The following IL7R variants were observed in gnomAD, a reference collection of about 807,000 sequenced individuals.
The protein encoded by IL7R is interleukin 7 receptor, also known as interleukin-7 receptor subunit alpha.
A neutral mutation model predicts 47.0 loss-of-function variants in IL7R; 38 were observed. The observed-to-expected ratio is 0.81, with a 90% CI of 0.62 to 1.06. The LOEUF (loss-of-function observed/expected upper bound fraction) is 1.06. IL7R is among the 50% of genes least tolerant of loss of function. IL7R has a pLI of 0.00. For missense variants in IL7R, 633 were observed against 534.8 expected (o/e 1.18, Z -1.81); for synonymous variants, 221 against 199.8 (o/e 1.11, Z -0.89).
rs151326413 is a variant in IL7R, at chr5:35,876,437, A to G, written c.1331A>G (p.Asn444Ser). Residue 444 changes from asparagine to serine, a missense_variant, in exon 8 of 8, where the codon AAT becomes AGT. Transcript: ENST00000303115. Reference protein sequence around the residue: ...GQPILTSLGSNQEEAYVTMSS... With the variant: ...GQPILTSLGSSQEEAYVTMSS... The stretch of plus-strand genomic sequence containing the variant: ...CCCATTCTTACTTCCCTGGGATCAA[A>G]TCAAGAAGAAGCATATGTCACCATG... 4 of 1,608,822 alleles carry G rather than the reference A, an allele frequency of 2.5e-6. No homozygotes were observed. In the African/African-American group the frequency reaches 4.0e-5, roughly 16 times the overall value.
Position 35,876,168 on chromosome 5 carries a change from A to G in IL7R, c.1062A>G (p.Val354=), listed in dbSNP as rs775861133. 1.2e-6 allele frequency: 2 copies of G among 1,614,170 alleles called. No individual in the cohort carries two copies. Among genetic ancestry groups the G allele is most frequent in the Non-Finnish European group, 1.7e-6 (2 of 1,180,014 alleles). Residue 354 remains valine (V), a synonymous_variant, in exon 8 of 8, where the codon GTA becomes GTG. Coordinates refer to ENST00000303115, the MANE Select transcript of IL7R (RefSeq NM_002185.5). ...VQSPNCPSED[V]VITPESFGRD... is the part of the protein sequence containing the mutation. Reference sequence around the variant, plus strand: ...GCCCCAACTGCCCATCTGAGGATGTAGTCATCACTCCAGAAAGCTTTGGAA... The same window carrying G: ...GCCCCAACTGCCCATCTGAGGATGTGGTCATCACTCCAGAAAGCTTTGGAA...
Position 35,873,479 on chromosome 5 carries a change from G to C in IL7R, c.538-1G>C, listed in dbSNP as rs1315265916. 1 of 1,613,488 alleles carries C rather than the reference G, an allele frequency of 6.2e-7. No individual in the cohort carries two copies. The highest frequency in any genetic ancestry group is 1.1e-5 in the South Asian group (1 of 91,078). On this transcript the variant is annotated splice_acceptor_variant, in intron 4 of 7. Coordinates refer to ENST00000303115, the MANE Select transcript of IL7R (RefSeq NM_002185.5). LOFTEE classifies it high-confidence loss of function. ...GAATGTAACTGCACTCTACTCTCTA[G>C]CATGTGAATTTATCCAGCACAAAGC...
rs1265582612 is a variant in IL7R at position 35,860,920 on chromosome 5, T to A, written c.151T>A (p.Ser51Thr). The change falls in exon 2 of 8, where the codon TCG becomes ACG. Residue 51 changes from serine to threonine, a missense_variant. Ser to Thr is a moderately conservative substitution (Grantham distance 58). Coordinates refer to ENST00000303115, the MANE Select transcript of IL7R (RefSeq NM_002185.5). Reference sequence around the variant, plus strand: ...CTATAGCCAGTTGGAAGTGAATGGATCGCAGCACTCACTGACCTGTGCTTT... The same window carrying A: ...CTATAGCCAGTTGGAAGTGAATGGAACGCAGCACTCACTGACCTGTGCTTT... The part of the protein sequence containing the change: ...SCYSQLEVNG[S>T]QHSLTCAFED... The A allele has an allele frequency of 6.2e-7, 1 of 1,612,786 alleles. No homozygotes were observed. The highest frequency in any genetic ancestry group is 1.7e-5 in the Admixed American group (1 of 59,996).
intron 3 of IL7R, 100 bp downstream of exon 3, chr5:35,867,563 C>A (rs1390613883): frequency 3.3e-6 from 3 of 908,696 alleles, no homozygotes; most frequent in African/African-American, 1.6e-5. Context: ...ATAGTGGAAA[C>A]AACTGGCAAT....
rs145407742 is a variant in IL7R, at chr5:35,867,457, A to T, written c.373A>T (p.Thr125Ser). The change falls in exon 3 of 8, where the codon ACT becomes TCT. Residue 125 changes from threonine to serine, a missense_variant. Thr to Ser is a moderately conservative substitution (Grantham distance 58). Transcript: ENST00000303115. ...SLTCKKIDLT[T>S]IVKPEAPFDL... ...AACCTGCAAAAAAATAGACCTAACC[A>T]CTATAGGTAAGAAGTTGTATATAAA... 3 of 1,611,740 alleles carry T rather than the reference A, an allele frequency of 1.9e-6. No individual in the cohort carries two copies. The highest frequency in any genetic ancestry group is 1.6e-4 in the Middle Eastern group (1 of 6,084).
At chr5:35,862,504 T>C (rs74623892) in intron 2 of IL7R, among the ~76,000 whole-genome samples, 131 of 152,248 alleles carry the variant, frequency 8.6e-4, no homozygotes, top group African/African-American at 3.1e-3. Flanking sequence ...GGTTTTCCAA[T>C]TGGATTCAGA....
Position 35,857,018 on chromosome 5 carries a change from T to C in IL7R, c.41T>C (p.Leu14Ser), listed in dbSNP as rs1759661333. The C allele has an allele frequency of 6.2e-7, 1 of 1,610,502 alleles. No individual in the cohort carries two copies. The highest frequency in any genetic ancestry group is 1.1e-5 in the South Asian group (1 of 91,040). The change falls in exon 1 of 8, where the codon TTA becomes TCA. Residue 14 changes from leucine (L) to serine (S), a missense_variant. Transcript: ENST00000303115. Reference protein sequence around the residue: ...LGTTFGMVFSLLQVVSGESGY... With the variant: ...LGTTFGMVFSSLQVVSGESGY... Reference sequence around the variant, plus strand: ...ACAACTTTTGGCATGGTTTTTTCTTTACTTCAAGTCGTTTCTGGAGAAAGT... The same window carrying C: ...ACAACTTTTGGCATGGTTTTTTCTTCACTTCAAGTCGTTTCTGGAGAAAGT...
At chr5:35,861,234 C>T (rs1277761144) in intron 2 of IL7R, among the ~76,000 whole-genome samples, 1 of 152,084 alleles carries the variant, frequency 6.6e-6, no homozygotes, top group Non-Finnish European at 1.5e-5. Context: ...TTGGGGATCC[C>T]ACATCCCTCC....
At position 35,876,503 on chromosome 5, in the gene IL7R, A is replaced by G. The variant is rs201020485; in HGVS notation, c.*17A>G. The stretch of plus-strand genomic sequence containing the variant: ...AACCAGTGAAGTGTAAGAAACCCAG[A>G]CTGAACTTACCGTGAGCGACAAAGA... On this transcript the variant is annotated 3_prime_UTR_variant, in exon 8 of 8. Coordinates refer to ENST00000303115, the MANE Select transcript of IL7R (RefSeq NM_002185.5). The G allele has an allele frequency of 2.6e-5, 41 of 1,600,114 alleles. No individual in the cohort carries two copies. Among genetic ancestry groups the G allele is most frequent in the Non-Finnish European group, 3.1e-5 (37 of 1,179,748 alleles).
intron 2 of IL7R, among the ~76,000 whole-genome samples, chr5:35,863,555 C>T (rs1437803278): frequency 1.3e-5 from 2 of 152,122 alleles, no homozygotes; most frequent in Non-Finnish European, 2.9e-5. Context: ...AGAACACACT[C>T]CTTAGGATTT....
chr5:35,860,209 C>T (rs1312032161), intron 1 of IL7R, among the ~76,000 whole-genome samples: 2 of 152,092 alleles, frequency 1.3e-5, no homozygotes, highest in Non-Finnish European at 2.9e-5. Context: ...GGAGTCCTGC[C>T]AGATCTAATT....
intron 2 of IL7R, among the ~76,000 whole-genome samples, chr5:35,866,556 T>C (rs1055729081): frequency 2.6e-5 from 4 of 152,164 alleles, no homozygotes; most frequent in African/African-American, 9.6e-5. Context: ...GGGAAGTTTA[T>C]TGATAATAAG....
intron 1 of IL7R, among the ~76,000 whole-genome samples, chr5:35,857,930 C>G (rs1156599421): frequency 6.6e-6 from 1 of 152,154 alleles, no homozygotes; most frequent in Admixed American, 6.5e-5. Flanking sequence ...AGCCTAATGA[C>G]TCAGCTTATG....
chr5:35,876,704 G>A lies in IL7R; in HGVS notation c.*218G>A. 1.7e-6 allele frequency: 1 copy of A among 596,360 alleles called. No homozygotes were observed. Among genetic ancestry groups the A allele is most frequent in the Non-Finnish European group, 3.0e-6 (1 of 336,210 alleles). The allele number at this position is 596,360 out of a possible 1,614,324, so 36.9% of individuals were successfully genotyped here. A position where few individuals can be genotyped will look rare whatever the true frequency, so the allele number is the denominator to read the frequency against. On this transcript the variant is annotated 3_prime_UTR_variant, in exon 8 of 8. Coordinates refer to ENST00000303115, the MANE Select transcript of IL7R (RefSeq NM_002185.5). ...CATCCTGCTTCTACCATGTGGATTT[G>A]GTCACAAGGTTTAAGGTGACCCAAT...
chr5:35,875,962 C>A (rs1340699134), intron 7 of IL7R, 21 bp from the exon 8 acceptor site: 6 of 1,607,442 alleles, frequency 3.7e-6, no homozygotes, highest in Non-Finnish European at 5.1e-6. Context: ...TCTTAATACC[C>A]TTTCTCCTTT....
rs1580848188 is a variant in IL7R at position 35,857,079 on chromosome 5, TC to T, written c.82+21del. The T allele has an allele frequency of 1.4e-6, 2 of 1,435,898 alleles. No homozygotes were observed. The highest frequency in any genetic ancestry group is 4.5e-5 in the East Asian group (2 of 44,112). The allele number at this position is 1,435,898 out of a possible 1,614,324, so 88.9% of individuals were successfully genotyped here. A position where few individuals can be genotyped will look rare whatever the true frequency, so the allele number is the denominator to read the frequency against. ...AAAATGGTGAGTCATTTCTAAGTTT[TC>T]TTATGGATTTTGGATTATCTGTAGC... On this transcript the variant is annotated intron_variant, in intron 1 of 7. Transcript: ENST00000303115.
intron 2 of IL7R, among the ~76,000 whole-genome samples, chr5:35,865,326 A>G (rs900257110): frequency 2.6e-5 from 4 of 152,136 alleles, no homozygotes; most frequent in Non-Finnish European, 5.9e-5. Context: ...TCCATGGTGT[A>G]TATGTGCCAC....
intron 4 of IL7R, among the ~76,000 whole-genome samples, chr5:35,873,050 T>C (rs1440584159): frequency 3.3e-5 from 5 of 149,612 alleles, no homozygotes; most frequent in African/African-American, 1.2e-4. Flanking sequence ...GATAATACAC[T>C]GTGTGGTGGA....
intron 2 of IL7R, among the ~76,000 whole-genome samples, chr5:35,866,726 T>C (rs1430316455): frequency 6.6e-6 from 1 of 152,168 alleles, no homozygotes; most frequent in Non-Finnish European, 1.5e-5. Flanking sequence ...AACATCTGCA[T>C]GTTCTATAGT....
Sources: allele counts gnomAD v4.1 joint callset (sites outside exome capture counted in the v4.1 genomes callset), GRCh38; gene constraint gnomAD v4.1.1; transcripts MANE v1.5; gene names NCBI Gene and HGNC (gene_info 2026-07-23, HGNC 2026-07-21).